The following ATG5 variants were observed in gnomAD, a reference collection of about 807,000 sequenced individuals.
The protein encoded by ATG5 is autophagy protein 5.
ATG5 carries 14 observed loss-of-function variants against 36.5 expected under a neutral mutation model. That is an observed-to-expected ratio of 0.38 (90% CI 0.25 to 0.60). ATG5 has a LOEUF of 0.60. Ranked by LOEUF, ATG5 falls within the 20% of genes least tolerant of loss-of-function variation. The pLI is 0.60. For synonymous variants in ATG5, 95 were observed against 101.5 expected, an observed-to-expected ratio of 0.94 and a Z score of 0.38; for missense variants, 195 against 326.7, an observed-to-expected ratio of 0.60 and a Z score of 3.11.
intron 6 of ATG5, among the ~76,000 whole-genome samples, chr6:106,226,777 A>G (rs918412657): frequency 2.0e-5 from 3 of 152,220 alleles, no homozygotes; most frequent in African/African-American, 7.2e-5. Context: ...AGAGATAAAT[A>G]GGAGTTACAA....
chr6:106,253,236 C>A (rs1422685813), intron 5 of ATG5, among the ~76,000 whole-genome samples: 1 of 152,174 alleles, frequency 6.6e-6, no homozygotes, highest in Non-Finnish European at 1.5e-5. Context: ...GCCTTATGAG[C>A]CAGGTCAAAT....
chr6:106,280,030 T>C lies in ATG5; in HGVS notation c.316-207A>G, dbSNP rs1220823431. ...CTTTTCCCAAATAATTCTTATGTGT[T>C]TTATAACAACATGAAAAAAAGGCAT... On this transcript the variant is annotated intron_variant, in intron 4 of 7. Coordinates refer to ENST00000369076, the MANE Select transcript of ATG5 (RefSeq NM_004849.4). 2.0e-5 allele frequency among the ~76,000 whole-genome samples: 3 copies of C among 152,168 alleles called. No homozygotes were observed. In the East Asian group the frequency reaches 5.8e-4, roughly 29 times the overall value.
chr6:106,308,310 C>G (rs1582682929), intron 3 of ATG5, 54 bp downstream of exon 3: 1 of 1,418,932 alleles, frequency 7.0e-7, no homozygotes, highest in East Asian at 2.7e-5. Flanking sequence ...GGCACTATAC[C>G]TTTTTAAAGC....
At chr6:106,231,285 G>A (rs528144430) in intron 6 of ATG5, among the ~76,000 whole-genome samples, 5 of 152,210 alleles carry the variant, frequency 3.3e-5, no homozygotes, top group African/African-American at 1.2e-4. Flanking sequence ...GAGATATAAT[G>A]TTACTGCTAA....
At chr6:106,274,308 G>A (rs1456450280) in intron 5 of ATG5, among the ~76,000 whole-genome samples, 3 of 151,718 alleles carry the variant, frequency 2.0e-5, no homozygotes, top group African/African-American at 7.3e-5. Flanking sequence ...TTCACAGAGA[G>A]GTTAAATATT....
chr6:106,234,444 A>G (rs1445841574), intron 6 of ATG5, among the ~76,000 whole-genome samples: 1 of 152,152 alleles, frequency 6.6e-6, no homozygotes, highest in Non-Finnish European at 1.5e-5. Context: ...CTTGTTTCCA[A>G]TCTGGAAATA....
At chr6:106,249,526 T>A (rs539732265) in intron 5 of ATG5, among the ~76,000 whole-genome samples, 1 of 152,332 alleles carries the variant, frequency 6.6e-6, no homozygotes, top group Admixed American at 6.5e-5. Flanking sequence ...CCGCTTTTTA[T>A]CTATTATAAA....
chr6:106,240,584 G>A (rs962431317), intron 6 of ATG5, among the ~76,000 whole-genome samples: 1 of 151,790 alleles, frequency 6.6e-6, no homozygotes, highest in African/African-American at 2.4e-5. Context: ...CCTATTGCTG[G>A]TGGAGATGTA....
At chr6:106,199,651 A>G (rs1776342910) in intron 7 of ATG5, among the ~76,000 whole-genome samples, 1 of 152,258 alleles carries the variant, frequency 6.6e-6, no homozygotes, top group Non-Finnish European at 1.5e-5. Context: ...TTTACTAAAA[A>G]ATCATTAAAT....
chr6:106,190,897 TATAA>T (rs1000809320), intron 7 of ATG5, among the ~76,000 whole-genome samples: 6 of 152,216 alleles, frequency 3.9e-5, no homozygotes, highest in Admixed American at 3.9e-4. Context: ...TATACAATAA[TATAA>T]ATGAGACATA....
Position 106,274,800 on chromosome 6 carries a change from C to T in ATG5, c.478+4861G>A, listed in dbSNP as rs575316140. Among the ~76,000 whole-genome samples the T allele has an allele frequency of 2.6e-5, 4 of 152,188 alleles. No individual in the cohort carries two copies. In the East Asian group the frequency reaches 7.7e-4, roughly 29 times the overall value. On this transcript the variant is annotated intron_variant, in intron 5 of 7. Coordinates refer to ENST00000369076, the MANE Select transcript of ATG5 (RefSeq NM_004849.4). ...AGTTTCTCTACTCTCTGCCAAAGAC[C>T]ACACTAGGTGCTGGGGATACAAAAA... is the stretch of plus-strand genomic sequence containing the variant.
chr6:106,259,176 TTATA>T (rs1469498457), intron 5 of ATG5, among the ~76,000 whole-genome samples: 2 of 152,254 alleles, frequency 1.3e-5, no homozygotes, highest in South Asian at 2.1e-4. Context: ...TGGCTGAAAA[TTATA>T]TATATTTCTC....
intron 5 of ATG5, among the ~76,000 whole-genome samples, chr6:106,265,915 C>T (rs1418632564): frequency 2.0e-5 from 3 of 151,752 alleles, no homozygotes; most frequent in Admixed American, 2.0e-4. Context: ...AAATCGACAC[C>T]CTAACATCAC....
intron 6 of ATG5, among the ~76,000 whole-genome samples, chr6:106,231,124 G>A (rs1001259973): frequency 1.3e-5 from 2 of 152,090 alleles, no homozygotes; most frequent in African/African-American, 2.4e-5. Context: ...CCCTCCAAGC[G>A]GTGGGAGGAG....
intron 6 of ATG5, among the ~76,000 whole-genome samples, chr6:106,222,133 A>G (rs1303834271): frequency 6.6e-6 from 1 of 152,146 alleles, no homozygotes; most frequent in Non-Finnish European, 1.5e-5. Context: ...TCAAACTCCC[A>G]AAGTGCTAGG....
intron 3 of ATG5, among the ~76,000 whole-genome samples, chr6:106,301,087 C>T (rs1440305940): frequency 6.6e-6 from 1 of 152,002 alleles, no homozygotes; most frequent in African/African-American, 2.4e-5. Context: ...AAAATGTGAA[C>T]ACCAGTTGTG....
At chr6:106,233,105 T>C (rs962772551) in intron 6 of ATG5, among the ~76,000 whole-genome samples, 2 of 152,222 alleles carry the variant, frequency 1.3e-5, no homozygotes, top group Admixed American at 6.5e-5. Flanking sequence ...GTCACCCAAG[T>C]GCTCTTAAAT....
chr6:106,191,860 A>AT (rs1180234156), intron 7 of ATG5, among the ~76,000 whole-genome samples: 4 of 152,242 alleles, frequency 2.6e-5, no homozygotes, highest in African/African-American at 9.6e-5. Flanking sequence ...GAATAAGTTC[A>AT]TTTTTTTAGT....
chr6:106,199,914 T>C (rs1776351195), intron 7 of ATG5, among the ~76,000 whole-genome samples: 1 of 152,186 alleles, frequency 6.6e-6, no homozygotes. Context: ...CTATAAAGGC[T>C]AGTAAAGTTC....
Sources: gnomAD v4.1 joint callset for allele counts (sites outside exome capture counted in the v4.1 genomes callset) on GRCh38, gnomAD v4.1.1 for gene constraint, MANE v1.5 for transcripts, NCBI Gene and HGNC (gene_info 2026-07-23, HGNC 2026-07-21) for gene names.